Variants in ZFAT observed in about 807,000 individuals in gnomAD.
ZFAT encodes zinc finger and AT-hook domain containing.
A neutral mutation model predicts 117.7 loss-of-function variants in ZFAT; 64 were observed. That is an observed-to-expected ratio of 0.54 (90% CI 0.44 to 0.67). The LOEUF (loss-of-function observed/expected upper bound fraction) is 0.67, where lower values mean the gene tolerates loss of function less well. ZFAT is among the 30% of genes least tolerant of loss of function. The pLI, the probability that ZFAT is intolerant of heterozygous loss-of-function variation, is 0.00. For synonymous variants in ZFAT, 679 were observed against 615.0 expected, an observed-to-expected ratio of 1.10 and a Z score of -1.54; for missense variants, 1,433 against 1,584.5, an observed-to-expected ratio of 0.90 and a Z score of 1.62.
chr8:134,730,041 G>T, the ZFAT span, among the ~76,000 whole-genome samples: 1 of 152,162 alleles, frequency 6.6e-6, no homozygotes, highest in East Asian at 1.9e-4. Flanking sequence ...TTAGGCTGTT[G>T]TCTGCCTGCC....
intron 3 of ZFAT, among the ~76,000 whole-genome samples, chr8:134,627,225 A>G (rs530168572): frequency 2.0e-5 from 3 of 152,320 alleles, no homozygotes; most frequent in South Asian, 4.1e-4. Context: ...GCAGACTCAG[A>G]AGGAGAGCGG....
chr8:134,564,445 G>T (rs1487390251), intron 11 of ZFAT, among the ~76,000 whole-genome samples: 1 of 152,142 alleles, frequency 6.6e-6, no homozygotes, highest in Non-Finnish European at 1.5e-5. Context: ...AATCCCAACA[G>T]GCCCTATATC....
chr8:134,611,587 G>A (rs1828334605), intron 3 of ZFAT, among the ~76,000 whole-genome samples: 1 of 152,218 alleles, frequency 6.6e-6, no homozygotes, highest in Non-Finnish European at 1.5e-5. Context: ...AGGGGGAGAA[G>A]CTGGAAGGAA....
the ZFAT span, among the ~76,000 whole-genome samples, chr8:134,718,447 G>A: frequency 1.3e-5 from 2 of 152,156 alleles, no homozygotes; most frequent in African/African-American, 2.4e-5. Flanking sequence ...GCAGTGAGCC[G>A]AGATCACGCC....
chr8:134,681,092 G>A (rs1441016909), intron 1 of ZFAT, among the ~76,000 whole-genome samples: 3 of 152,234 alleles, frequency 2.0e-5, no homozygotes, highest in African/African-American at 7.2e-5. Flanking sequence ...TGGAAGATAT[G>A]TAAGGCTCAG....
At chr8:134,538,485 A>G (rs1440158929) in intron 11 of ZFAT, among the ~76,000 whole-genome samples, 5 of 152,332 alleles carry the variant, frequency 3.3e-5, no homozygotes, top group South Asian at 2.1e-4. Context: ...AAAATGTGGC[A>G]TCAAAAAAAT....
chr8:134,800,406 A>C, the ZFAT span: 1 of 409,414 alleles, frequency 2.4e-6, no homozygotes, highest in Non-Finnish European at 4.8e-6. Flanking sequence ...TCTCTGGGAG[A>C]ACAAAATGGT....
intron 1 of ZFAT, among the ~76,000 whole-genome samples, chr8:134,710,593 G>T (rs1813957486): frequency 6.6e-6 from 1 of 152,208 alleles, no homozygotes; most frequent in Non-Finnish European, 1.5e-5. Flanking sequence ...CTTGGGACCA[G>T]AAGTTTTAGA....
chr8:134,617,314 C>A (rs1271056535), intron 3 of ZFAT, among the ~76,000 whole-genome samples: 2 of 152,198 alleles, frequency 1.3e-5, no homozygotes, highest in African/African-American at 4.8e-5. Context: ...GAACAAAGCC[C>A]TCCTCCTATG....
intron 2 of ZFAT, among the ~76,000 whole-genome samples, chr8:134,647,319 C>A (rs1830956352): frequency 6.6e-6 from 1 of 152,082 alleles, no homozygotes; most frequent in Admixed American, 6.6e-5. Context: ...CAAAATTCAA[C>A]AACCCTTCAT....
At chr8:134,628,175 G>T (rs182702084) in intron 3 of ZFAT, among the ~76,000 whole-genome samples, 1 of 152,166 alleles carries the variant, frequency 6.6e-6, no homozygotes, top group African/African-American at 2.4e-5. Flanking sequence ...ACAGGATGGG[G>T]CCCCGCTGGC....
chr8:134,742,609 C>T, the ZFAT span, among the ~76,000 whole-genome samples: 3,238 of 152,260 alleles, frequency 0.021, 41 homozygotes, highest in South Asian at 0.041. Context: ...GACTCGCATC[C>T]GCCCAGCCCC....
chr8:134,525,701 C>T (rs1820980195), intron 12 of ZFAT, among the ~76,000 whole-genome samples: 1 of 152,188 alleles, frequency 6.6e-6, no homozygotes, highest in Admixed American at 6.5e-5. Context: ...CCACATGCAG[C>T]CCCAGCACCT....
At position 134,711,348 on chromosome 8, in the gene ZFAT, G is replaced by C. The variant is rs114883607; in HGVS notation, c.19+1497C>G. 9.3e-3 allele frequency among the ~76,000 whole-genome samples: 1,420 copies of C among 152,346 alleles called. 22 individuals are homozygous for C. The highest frequency in any genetic ancestry group is 0.032 in the African/African-American group (1,351 of 41,582). ...CTGTGGCCTCATGTCAGTGCTCAAA[G>C]TTTCAGACTTTGGAGCATTTCCGAT... On this transcript the variant is annotated intron_variant, in intron 1 of 15. Transcript: ENST00000377838.
the ZFAT span, among the ~76,000 whole-genome samples, chr8:134,767,879 T>C: frequency 2.0e-5 from 3 of 152,236 alleles, no homozygotes; most frequent in African/African-American, 7.2e-5. Context: ...TCATCTGTTC[T>C]GGAAAACTCT....
intron 13 of ZFAT, among the ~76,000 whole-genome samples, chr8:134,514,540 A>C (rs1043811440): frequency 6.6e-6 from 1 of 152,092 alleles, no homozygotes; most frequent in Non-Finnish European, 1.5e-5. Flanking sequence ...GCATTTTACA[A>C]ATGGTTTCTC....
At chr8:134,814,199 T>A in the ZFAT span, among the ~76,000 whole-genome samples, 1 of 152,232 alleles carries the variant, frequency 6.6e-6, no homozygotes, top group Non-Finnish European at 1.5e-5. Context: ...TCAGAATATG[T>A]TATAACATCA....
chr8:134,683,094 T>C (rs1833148582), intron 1 of ZFAT, among the ~76,000 whole-genome samples: 2 of 152,206 alleles, frequency 1.3e-5, no homozygotes, highest in East Asian at 3.9e-4. Flanking sequence ...TTTGCAGCCA[T>C]TTGTAGAAAA....
intron 1 of ZFAT, among the ~76,000 whole-genome samples, chr8:134,663,199 C>T (rs1446783116): frequency 2.6e-5 from 4 of 152,150 alleles, no homozygotes; most frequent in Admixed American, 1.3e-4. Flanking sequence ...CAGAAGCAAC[C>T]GAAGTGCTCA....
Sources: allele counts gnomAD v4.1 joint callset (sites outside exome capture counted in the v4.1 genomes callset), GRCh38; gene constraint gnomAD v4.1.1; transcripts MANE v1.5; gene names NCBI Gene and HGNC (gene_info 2026-07-23, HGNC 2026-07-21).